The following STYK1 variants were observed in gnomAD, a reference collection of about 807,000 sequenced individuals.
The protein encoded by STYK1 is STY kinase 1.
Under a neutral mutation model 48.1 loss-of-function variants are expected in STYK1, and 46 were observed. That is an observed-to-expected ratio of 0.96 (90% CI 0.75 to 1.22). The LOEUF is 1.22. Ranked by LOEUF, STYK1 falls within the 50% of genes most tolerant of loss-of-function variation. STYK1 has a pLI of 0.00. For synonymous variants in STYK1, 188 were observed against 189.0 expected (o/e 0.99, Z 0.04); for missense variants, 527 against 521.1 (o/e 1.01, Z -0.11).
chr12:10,660,596 A>C (rs1947766300), intron 1 of STYK1, among the ~76,000 whole-genome samples: 1 of 32,708 alleles, frequency 3.1e-5, no homozygotes, highest in Non-Finnish European at 7.7e-5. Flanking sequence ...GTGAGATGGG[A>C]GGTCAGCCCA....
In STYK1 at chr12:10,661,467, G is replaced by A. The variant is rs535373025; in HGVS notation, c.-195+12499C>T. Among the ~76,000 whole-genome samples the A allele has an allele frequency of 2.6e-5, 4 of 152,258 alleles. No homozygotes were observed. The South Asian group carries it at 8.3e-4, about 32-fold the overall frequency. ...AAACCAAGTGAAGCAATCTGCTTTG[G>A]AATCCACCCTGCTCTGCTATTCCTT... On this transcript the variant is annotated intron_variant, in intron 1 of 10. Coordinates refer to ENST00000075503, the MANE Select transcript of STYK1 (RefSeq NM_018423.3).
chr12:10,643,247 G>A (rs533321660), intron 1 of STYK1, among the ~76,000 whole-genome samples: 1 of 152,238 alleles, frequency 6.6e-6, no homozygotes, highest in East Asian at 1.9e-4. Flanking sequence ...TTTATACTCT[G>A]ATTACTGAGC....
intron 1 of STYK1, among the ~76,000 whole-genome samples, chr12:10,640,088 G>T (rs1022041384): frequency 6.6e-6 from 1 of 152,098 alleles, no homozygotes; most frequent in African/African-American, 2.4e-5. Context: ...ATGTCATCTT[G>T]GGTTGTTTCC....
chr12:10,620,478 A>G (rs928593178), intron 10 of STYK1, 130 bp from the exon 11 acceptor site: 8 of 800,050 alleles, frequency 1.0e-5, no homozygotes, highest in African/African-American at 6.9e-5. Flanking sequence ...CCTGTTACTC[A>G]TATTCTTCCC....
At position 10,631,219 on chromosome 12, in the gene STYK1, C is replaced by T; in HGVS notation, c.277G>A (p.Glu93Lys). 6.2e-7 allele frequency: 1 copy of T among 1,614,210 alleles called. No individual in the cohort carries two copies. Among genetic ancestry groups the T allele is most frequent in the Non-Finnish European group, 8.5e-7 (1 of 1,180,040 alleles). ...GGTGTGGTAGCTCCCAGAAAGTTTT[C>T]CACGGATGTCTCCTTAAGTGGCAAA... ...VALPLKETSV[E>K]NFLGATTPAL... Residue 93 changes from glutamate to lysine, a missense_variant, in exon 5 of 11, where the codon GAA becomes AAA. Glu to Lys is a moderately conservative substitution (Grantham distance 56, BLOSUM62 1). Coordinates refer to ENST00000075503, the MANE Select transcript of STYK1 (RefSeq NM_018423.3).
intron 1 of STYK1, among the ~76,000 whole-genome samples, chr12:10,656,014 G>A (rs1393069752): frequency 6.6e-6 from 1 of 152,068 alleles, no homozygotes; most frequent in Non-Finnish European, 1.5e-5. Context: ...ATCTCATCTT[G>A]TAGCTCCCAT....
At chr12:10,647,833 C>T (rs751659958) in intron 1 of STYK1, among the ~76,000 whole-genome samples, 5 of 152,138 alleles carry the variant, frequency 3.3e-5, no homozygotes, top group Non-Finnish European at 7.3e-5. Flanking sequence ...GGGAGTTTCC[C>T]TGCACAAGAC....
chr12:10,648,664 C>G (rs1947626621), intron 1 of STYK1, among the ~76,000 whole-genome samples: 1 of 151,948 alleles, frequency 6.6e-6, no homozygotes, highest in Admixed American at 6.6e-5. Flanking sequence ...GGGTCTCACT[C>G]TGTTGTCCAG....
intron 1 of STYK1, among the ~76,000 whole-genome samples, chr12:10,669,423 C>G (rs535288716): frequency 2.7e-4 from 34 of 123,840 alleles, no homozygotes; most frequent in African/African-American, 3.1e-4. Flanking sequence ...AAACATTGAG[C>G]CTTCAGAATA....
intron 1 of STYK1, among the ~76,000 whole-genome samples, chr12:10,645,266 G>A (rs1052911117): frequency 6.6e-6 from 1 of 152,178 alleles, no homozygotes; most frequent in Non-Finnish European, 1.5e-5. Context: ...GGGTGGTTCT[G>A]GGAATGAATA....
At chr12:10,659,173 CT>C (rs1947750051) in intron 1 of STYK1, among the ~76,000 whole-genome samples, 1 of 152,154 alleles carries the variant, frequency 6.6e-6, no homozygotes, top group Non-Finnish European at 1.5e-5. Flanking sequence ...CCTTTTATGA[CT>C]TTTTGCTTAA....
chr12:10,662,804 T>C (rs1175308735), intron 1 of STYK1, among the ~76,000 whole-genome samples: 2 of 152,210 alleles, frequency 1.3e-5, no homozygotes, highest in East Asian at 3.8e-4. Context: ...CCATTCTGTA[T>C]GTTGTCTTTT....
intron 1 of STYK1, among the ~76,000 whole-genome samples, chr12:10,651,578 A>G (rs1244649029): frequency 1.3e-5 from 2 of 152,232 alleles, no homozygotes; most frequent in Non-Finnish European, 2.9e-5. Context: ...TATTCCTATG[A>G]TAGCTATAAT....
chr12:10,663,847 T>A (rs10845196), intron 1 of STYK1, among the ~76,000 whole-genome samples: 81,863 of 149,428 alleles, frequency 0.55, 23,222 homozygotes, highest in East Asian at 0.79. Flanking sequence ...TTAAGAAAAC[T>A]ATATGTCTTT....
intron 1 of STYK1, among the ~76,000 whole-genome samples, chr12:10,656,143 T>C (rs1947715283): frequency 6.6e-6 from 1 of 152,136 alleles, no homozygotes; most frequent in Non-Finnish European, 1.5e-5. Flanking sequence ...GTTTTAAAAG[T>C]GGGAGTTTCC....
intron 1 of STYK1, among the ~76,000 whole-genome samples, chr12:10,639,471 A>G (rs1320724343): frequency 6.6e-6 from 1 of 151,818 alleles, no homozygotes; most frequent in Non-Finnish European, 1.5e-5. Context: ...CTGGAGTGCA[A>G]TGGCGTGATC....
chr12:10,664,993 G>T (rs1301602590), intron 1 of STYK1, among the ~76,000 whole-genome samples: 1 of 152,178 alleles, frequency 6.6e-6, no homozygotes, highest in Non-Finnish European at 1.5e-5. Flanking sequence ...ATGAATCAGA[G>T]ATCTAATCAG....
At chr12:10,636,224 A>C (rs1947484234) in intron 2 of STYK1, among the ~76,000 whole-genome samples, 1 of 152,192 alleles carries the variant, frequency 6.6e-6, no homozygotes, top group Admixed American at 6.5e-5. Flanking sequence ...ATTCTGCCTT[A>C]CTTGTGTTCC....
intron 1 of STYK1, among the ~76,000 whole-genome samples, chr12:10,643,649 T>C (rs1429370625): frequency 6.6e-6 from 1 of 152,094 alleles, no homozygotes; most frequent in African/African-American, 2.4e-5. Flanking sequence ...AGGAAGGAAG[T>C]CAAAAAAAGT....
Sources: gnomAD v4.1 joint callset for allele counts (sites outside exome capture counted in the v4.1 genomes callset) on GRCh38, gnomAD v4.1.1 for gene constraint, MANE v1.5 for transcripts, NCBI Gene and HGNC (gene_info 2026-07-23, HGNC 2026-07-21) for gene names.